The following ZFHX3 variants were observed in gnomAD, a reference collection of about 807,000 sequenced individuals.
ZFHX3 encodes the protein zinc finger homeobox 3.
A neutral mutation model predicts 279.1 loss-of-function variants in ZFHX3; 42 were observed. That is an observed-to-expected ratio of 0.15 (90% confidence interval 0.12 to 0.19). The LOEUF (loss-of-function observed/expected upper bound fraction) is 0.19. Ranked by LOEUF, ZFHX3 falls within the 10% of genes least tolerant of loss-of-function variation. The probability of loss-of-function intolerance (pLI) is 1.00; values close to 1 mark genes in which losing one functional copy is unlikely to be tolerated. For synonymous variants in ZFHX3, 2,293 were observed against 1,957.8 expected, an observed-to-expected ratio of 1.17 and a Z score of -4.52; for missense variants, 4,981 against 4,754.0, an observed-to-expected ratio of 1.05 and a Z score of -1.40.
chr16:73,216,387 G>A (rs1055900802), intron 5 of ZFHX3, among the ~76,000 whole-genome samples: 6 of 152,126 alleles, frequency 3.9e-5, no homozygotes, highest in Non-Finnish European at 8.8e-5. Context: ...CAACTGAATT[G>A]GTTCCCGTCC....
At chr16:73,136,167 G>A (rs528126098) in intron 6 of ZFHX3, among the ~76,000 whole-genome samples, 1 of 152,220 alleles carries the variant, frequency 6.6e-6, no homozygotes, top group South Asian at 2.1e-4. Flanking sequence ...ATAATCCATG[G>A]AGCCACTTGA....
At chr16:73,072,188 C>T (rs1965833060) in intron 8 of ZFHX3, among the ~76,000 whole-genome samples, 2 of 152,158 alleles carry the variant, frequency 1.3e-5, no homozygotes, top group Admixed American at 6.5e-5. Context: ...GGGTGGCTCA[C>T]GCCTTTAATC....
chr16:72,935,685 G>A (rs537732744), intron 3 of ZFHX3, among the ~76,000 whole-genome samples: 71 of 150,686 alleles, frequency 4.7e-4, no homozygotes, highest in African/African-American at 1.6e-3. Context: ...AGTGAGCTGA[G>A]ATCACGCCAC....
In ZFHX3 at chr16:73,169,900, T is replaced by C. The variant is rs1320940563; in HGVS notation, c.-1103-26069A>G. Among the ~76,000 whole-genome samples, 3 of 152,326 alleles carry C rather than the reference T, an allele frequency of 2.0e-5. No individual in the cohort carries two copies. The East Asian group carries it at 5.8e-4, about 29-fold the overall frequency. ...CCCAATTGTAAATTAGGTACCCCTG[T>C]TGTAGGTTCTCTCCTACTCTGTACT... On this transcript the variant is annotated intron_variant, in intron 5 of 17. Transcript: ENST00000641206.
intron 4 of ZFHX3, among the ~76,000 whole-genome samples, chr16:73,296,865 T>A (rs1415082182): frequency 7.0e-6 from 1 of 142,134 alleles, no homozygotes. Context: ...ATAATTGCCA[T>A]GTGAAGCAGG....
At chr16:72,805,583 A>T (rs2036240533) in intron 7 of ZFHX3, among the ~76,000 whole-genome samples, 2 of 152,202 alleles carry the variant, frequency 1.3e-5, no homozygotes, top group African/African-American at 4.8e-5. Flanking sequence ...CCAAAACATT[A>T]AGCATGAAGT....
chr16:72,890,588 C>T (rs932092662), intron 3 of ZFHX3, among the ~76,000 whole-genome samples: 8 of 152,154 alleles, frequency 5.3e-5, no homozygotes, highest in Non-Finnish European at 1.2e-4. Context: ...CCTATCTCCC[C>T]CAAATGGCCC....
intron 5 of ZFHX3, chr16:73,233,210 T>C (rs2012834756): frequency 6.6e-6 from 1 of 151,770 alleles, no homozygotes; most frequent in Non-Finnish European, 1.5e-5. Context: ...TCGATGTTCC[T>C]TAGCCAAGGA....
At chr16:73,133,390 C>T (rs1303746944) in intron 6 of ZFHX3, among the ~76,000 whole-genome samples, 1 of 151,872 alleles carries the variant, frequency 6.6e-6, no homozygotes, top group Admixed American at 6.5e-5. Flanking sequence ...GGTGTGGTGG[C>T]GAGTGCCTGT....
Position 72,958,383 on chromosome 16 carries a change from A to T in ZFHX3, c.1763T>A (p.Leu588Gln). ...ATTGGCACTTTCGTCAGCGAAGTCC[A>T]GCCTCCTGCCGCCCTCTGCCACATT... ...RANVAEGGRR[L>Q]DFADESANKD... is the part of the protein sequence containing the mutation. The change falls in exon 2 of 10, where the codon CTG (leucine) becomes CAG (glutamine). Residue 588 changes from leucine to glutamine, a missense_variant. Physicochemically the swap from Leu to Gln is moderately radical, Grantham distance 113. Around this residue, in one of 7 missense-constraint regions of ZFHX3, gnomAD observed 1,068 missense variants for 935.2 expected, o/e 1.14. Transcript: ENST00000268489. 6.2e-7 allele frequency: 1 copy of T among 1,614,186 alleles called. No homozygotes were observed. Among genetic ancestry groups the T allele is most frequent in the Non-Finnish European group, 8.5e-7 (1 of 1,180,030 alleles).
intron 3 of ZFHX3, among the ~76,000 whole-genome samples, chr16:73,384,129 G>A (rs1246839361): frequency 3.9e-5 from 6 of 152,238 alleles, no homozygotes; most frequent in Non-Finnish European, 5.9e-5. Context: ...GATGTCAGAT[G>A]CTCTTGGCCA....
At chr16:73,492,094 G>A (rs1422158845) in intron 2 of ZFHX3, among the ~76,000 whole-genome samples, 2 of 152,144 alleles carry the variant, frequency 1.3e-5, no homozygotes, top group African/African-American at 2.4e-5. Context: ...CTGTCTATCA[G>A]TTACATTTAT....
intron 1 of ZFHX3, among the ~76,000 whole-genome samples, chr16:73,682,988 AAGAAAAGAAAGAAAGAAAGAAAG>A (rs879325555): frequency 0.15 from 7,027 of 46,734 alleles, 682 homozygotes; most frequent in East Asian, 0.31. Flanking sequence ...GAAAGAAAGA[AAGAAAAGAAAGAAAGAAAGAAAG>A]AGAAAGGAGG....
chr16:73,610,495 TG>T (rs1188443029), intron 2 of ZFHX3, among the ~76,000 whole-genome samples: 2 of 152,200 alleles, frequency 1.3e-5, no homozygotes, highest in Admixed American at 1.3e-4. Context: ...TTTGCTTTGC[TG>T]GGGATAAAAG....
Position 72,958,212 on chromosome 16 carries a change from C to T in ZFHX3, c.1934G>A (p.Cys645Tyr). 6.2e-7 allele frequency: 1 copy of T among 1,611,734 alleles called. No individual in the cohort carries two copies. The highest frequency in any genetic ancestry group is 8.5e-7 in the Non-Finnish European group (1 of 1,178,034). Residue 645 changes from cysteine (C) to tyrosine (Y), a missense_variant, in exon 2 of 10, where the codon TGC (cysteine) becomes TAC (tyrosine). Transcript: ENST00000268489. ...GCGGGAGGAGCCCAGGACCGTGTCG[C>T]ATTTGGGGCACTCCACGCCACTCCC... Reference protein sequence around the residue: ...PSGSGVECPKCDTVLGSSRSL... With the variant: ...PSGSGVECPKYDTVLGSSRSL...
exon 8 of ZFHX3, chr16:73,093,509 C>G (rs1278530441): frequency 2.0e-6 from 1 of 503,520 alleles, no homozygotes; most frequent in Non-Finnish European, 4.0e-6. Flanking sequence ...GGAGTCATAG[C>G]TGCGCCCTGT....
At chr16:73,626,310 G>A (rs2142142462) in intron 2 of ZFHX3, among the ~76,000 whole-genome samples, 1 of 152,192 alleles carries the variant, frequency 6.6e-6, no homozygotes, top group African/African-American at 2.4e-5. Context: ...GTGAACCAAA[G>A]CAAAGCCACA....
chr16:72,861,982 T>A (rs1243439258), intron 4 of ZFHX3, among the ~76,000 whole-genome samples: 1 of 152,194 alleles, frequency 6.6e-6, no homozygotes, highest in African/African-American at 2.4e-5. Flanking sequence ...GCCACTGCAC[T>A]CTAGCCTGGG....
intron 3 of ZFHX3, among the ~76,000 whole-genome samples, chr16:73,394,215 T>A (rs1194071684): frequency 1.3e-5 from 2 of 148,544 alleles, no homozygotes; most frequent in East Asian, 3.9e-4. Flanking sequence ...TAAGAGCGTT[T>A]CCAGAAGTGT....
Sources: allele counts gnomAD v4.1 joint callset (sites outside exome capture counted in the v4.1 genomes callset), GRCh38; gene constraint gnomAD v4.1.1; regional missense constraint gnomAD v4.1.1; transcripts MANE v1.5; gene names NCBI Gene and HGNC (gene_info 2026-07-23, HGNC 2026-07-21).